Variants in AIM2 observed in about 807,000 individuals in gnomAD.
The protein encoded by AIM2 is absent in melanoma 2.
Under a neutral mutation model 27.7 loss-of-function variants are expected in AIM2, and 30 were observed. The ratio of observed to expected loss-of-function variants is 1.08; its 90% CI spans 0.81 to 1.47. AIM2 has a LOEUF of 1.47. Ranked by LOEUF, AIM2 falls within the 40% of genes most tolerant of loss-of-function variation. The pLI is 0.00. For missense variants in AIM2, 358 were observed against 411.3 expected (o/e 0.87, Z 1.12); for synonymous variants, 141 against 145.3 (o/e 0.97, Z 0.21).
Position 159,068,609 on chromosome 1 carries a change from C to T in AIM2, c.355G>A (p.Ala119Thr), listed in dbSNP as rs541126098. The change falls in exon 3 of 6, where the codon GCA becomes ACA. Residue 119 changes from alanine (A) to threonine (T), a missense_variant. Coordinates refer to ENST00000368130, the MANE Select transcript of AIM2 (RefSeq NM_004833.3). ...ACTTTTGGTGCAGCACGTTGCTTTG[C>T]GACATCATTTCTGATGGCTGCAGAT... is the stretch of plus-strand genomic sequence containing the variant. ...AASAAIRNDV[A>T]KQRAAPKVSP... 1.4e-5 allele frequency: 22 copies of T among 1,613,682 alleles called. No homozygotes were observed. The highest frequency in any genetic ancestry group is 6.6e-5 in the South Asian group (6 of 91,052).
intron 1 of AIM2, among the ~76,000 whole-genome samples, chr1:159,138,669 T>C (rs1648056237): frequency 6.6e-6 from 1 of 152,200 alleles, no homozygotes; most frequent in Non-Finnish European, 1.5e-5. Context: ...TGCCTGAAGA[T>C]ACTGTCTGTG....
At chr1:159,125,319 T>TA (rs533641841) in intron 1 of AIM2, among the ~76,000 whole-genome samples, 179 of 152,348 alleles carry the variant, frequency 1.2e-3, no homozygotes, top group African/African-American at 4.1e-3. Flanking sequence ...TAGAACAAGC[T>TA]AAATTCACAT....
At chr1:159,069,596 G>A (rs922985259) in intron 2 of AIM2, among the ~76,000 whole-genome samples, 2 of 151,080 alleles carry the variant, frequency 1.3e-5, no homozygotes, top group African/African-American at 4.9e-5. Flanking sequence ...AAGCTGGAGT[G>A]CAGTGGCGCA....
chr1:159,124,302 G>GCCTT (rs1647624635), intron 1 of AIM2, among the ~76,000 whole-genome samples: 2 of 152,156 alleles, frequency 1.3e-5, no homozygotes, highest in African/African-American at 4.8e-5. Context: ...AGTTCGATAT[G>GCCTT]GACTCCAAGA....
rs1263954975 is a variant in AIM2 at position 159,089,533 on chromosome 1, T to C, written c.-15-23204A>G. On this transcript the variant is annotated intron_variant, in intron 1 of 2. Coordinates refer to the AIM2 transcript ENST00000368129. The stretch of plus-strand genomic sequence containing the variant: ...TGTTGGATTGTTTGTTCAACCCCCT[T>C]ACCTACAGGCTCCCCTGCTTAGTTT... 2.6e-5 allele frequency among the ~76,000 whole-genome samples: 4 copies of C among 152,208 alleles called. No individual in the cohort carries two copies. The East Asian group carries it at 7.7e-4, about 29-fold the overall frequency.
rs752634068 is a variant in AIM2 at position 159,068,703 on chromosome 1, T to A, written c.263-2A>T. On this transcript the variant is annotated splice_acceptor_variant, in intron 2 of 5. Transcript: ENST00000368130. LOFTEE classifies it high-confidence loss of function. ...TTACCGATTTGTATTGCTTATCAAC[T>A]GATTAAAAAATGAAAGACATGGCCA... 43 of 1,612,416 alleles carry A rather than the reference T, an allele frequency of 2.7e-5. 1 individual carries two copies. The South Asian group carries it at 2.8e-4, about 10-fold the overall frequency.
At chr1:159,098,953 G>A (rs957210069) in intron 1 of AIM2, among the ~76,000 whole-genome samples, 5 of 151,894 alleles carry the variant, frequency 3.3e-5, no homozygotes, top group African/African-American at 1.2e-4. Flanking sequence ...GGTAGGACTC[G>A]GTTGAGTCTG....
chr1:159,096,098 G>C (rs1657175673), intron 1 of AIM2, among the ~76,000 whole-genome samples: 1 of 152,120 alleles, frequency 6.6e-6, no homozygotes, highest in African/African-American at 2.4e-5. Context: ...CAGAGACAAG[G>C]GTGCTGGTTC....
intron 4 of AIM2, among the ~76,000 whole-genome samples, chr1:159,064,954 G>GT (rs1656018383): frequency 6.6e-6 from 1 of 152,220 alleles, no homozygotes; most frequent in Non-Finnish European, 1.5e-5. Flanking sequence ...GACTAAATCA[G>GT]TATATATGAG....
chr1:159,089,394 G>T (rs1383161924), intron 1 of AIM2, among the ~76,000 whole-genome samples: 1 of 152,158 alleles, frequency 6.6e-6, no homozygotes, highest in Admixed American at 6.5e-5. Context: ...CTGCCTCCTG[G>T]TGGCAAGATG....
intron 1 of AIM2, among the ~76,000 whole-genome samples, chr1:159,106,508 A>G (rs1457854032): frequency 6.6e-6 from 1 of 152,268 alleles, no homozygotes; most frequent in East Asian, 1.9e-4. Flanking sequence ...AATGTGAGAA[A>G]GAAAAAATTT....
At chr1:159,094,945 A>G (rs1368808266) in intron 1 of AIM2, among the ~76,000 whole-genome samples, 1 of 152,188 alleles carries the variant, frequency 6.6e-6, no homozygotes, top group Non-Finnish European at 1.5e-5. Flanking sequence ...TATCAAAAAA[A>G]TTATTATTTC....
intron 1 of AIM2, among the ~76,000 whole-genome samples, chr1:159,115,118 A>C (rs1272787064): frequency 6.6e-6 from 1 of 152,132 alleles, no homozygotes; most frequent in Non-Finnish European, 1.5e-5. Context: ...TAGGAATCCA[A>C]CTTACAAGGG....
At chr1:159,084,140 T>C (rs1231848236) in intron 1 of AIM2, among the ~76,000 whole-genome samples, 1 of 152,222 alleles carries the variant, frequency 6.6e-6, no homozygotes, top group Non-Finnish European at 1.5e-5. Flanking sequence ...ACCCTGCTAG[T>C]ATGTGGTAGA....
At chr1:159,104,775 T>A (rs1234768277) in intron 1 of AIM2, among the ~76,000 whole-genome samples, 1 of 152,238 alleles carries the variant, frequency 6.6e-6, no homozygotes, top group African/African-American at 2.4e-5. Flanking sequence ...TGGACAATGC[T>A]TTTCTGGAGC....
rs556184948 is a variant in AIM2 at position 159,126,906 on chromosome 1, T to C, written c.-16+13525A>G. On this transcript the variant is annotated intron_variant, in intron 1 of 2. Coordinates refer to the AIM2 transcript ENST00000368129. ...GTTATACTCACACCATGGAGCATTA[T>C]CCATTAATGAACATAAACTGTTGTA... is the stretch of plus-strand genomic sequence containing the variant. Among the ~76,000 whole-genome samples the C allele has an allele frequency of 3.3e-5, 5 of 152,280 alleles. No individual in the cohort carries two copies. In the South Asian group the frequency reaches 1.0e-3, roughly 32 times the overall value.
At chr1:159,127,030 A>T (rs1392324394) in intron 1 of AIM2, among the ~76,000 whole-genome samples, 2 of 152,232 alleles carry the variant, frequency 1.3e-5, no homozygotes, top group African/African-American at 4.8e-5. Context: ...TTAAAAAGCA[A>T]AACAAAGTAA....
chr1:159,066,787 G>C (rs185531481), intron 3 of AIM2, among the ~76,000 whole-genome samples: 2 of 152,250 alleles, frequency 1.3e-5, no homozygotes, highest in East Asian at 3.9e-4. Flanking sequence ...GACCAGCACA[G>C]GGCTCCCCAA....
At chr1:159,142,197 C>T (rs907844139), upstream of AIM2, among the ~76,000 whole-genome samples, 5 of 152,258 alleles carry the variant, frequency 3.3e-5, no homozygotes, top group South Asian at 2.1e-4. Flanking sequence ...CTGTGAACAA[C>T]GGCAGCAGAG....
Sources: allele counts gnomAD v4.1 joint callset (sites outside exome capture counted in the v4.1 genomes callset), GRCh38; gene constraint gnomAD v4.1.1; transcripts MANE v1.5; gene names NCBI Gene and HGNC (gene_info 2026-07-23, HGNC 2026-07-21).